Variants in SLC35F1 observed in about 807,000 individuals in gnomAD.
The protein encoded by SLC35F1 is solute carrier family 35 member F1, also known as chromosome 6 open reading frame 169.
A neutral mutation model predicts 48.7 loss-of-function variants in SLC35F1; 14 were observed. The ratio of observed to expected loss-of-function variants is 0.29; its 90% CI spans 0.19 to 0.45. The LOEUF (loss-of-function observed/expected upper bound fraction) is 0.45, where lower values mean the gene tolerates loss of function less well. Ranked by LOEUF, SLC35F1 falls within the 20% of genes least tolerant of loss-of-function variation. The pLI is 1.00. For missense variants in SLC35F1, 404 were observed against 500.0 expected, an observed-to-expected ratio of 0.81 and a Z score of 1.83; for synonymous variants, 190 against 202.2, an observed-to-expected ratio of 0.94 and a Z score of 0.51.
At chr6:118,136,985 T>C (rs1773807225) in intron 1 of SLC35F1, among the ~76,000 whole-genome samples, 1 of 152,238 alleles carries the variant, frequency 6.6e-6, no homozygotes, top group Non-Finnish European at 1.5e-5. Context: ...TAGATAACTT[T>C]CACAGGTTCC....
At chr6:118,215,129 T>C (rs1254109288) in intron 2 of SLC35F1, among the ~76,000 whole-genome samples, 1 of 152,032 alleles carries the variant, frequency 6.6e-6, no homozygotes, top group Admixed American at 6.6e-5. Flanking sequence ...AAGTGGACTT[T>C]GAGTTAGGAG....
At chr6:118,304,307 G>T (rs536943971) in intron 7 of SLC35F1, among the ~76,000 whole-genome samples, 1 of 151,016 alleles carries the variant, frequency 6.6e-6, no homozygotes, top group Non-Finnish European at 1.5e-5. Flanking sequence ...AGTGTGTGAT[G>T]ATCTCACTTG....
chr6:117,924,103 A>G (rs1177572536), intron 1 of SLC35F1, among the ~76,000 whole-genome samples: 1 of 147,324 alleles, frequency 6.8e-6, no homozygotes, highest in Non-Finnish European at 1.5e-5. Context: ...ATAGGTACAC[A>G]TGCATATGTA....
intron 7 of SLC35F1, among the ~76,000 whole-genome samples, chr6:118,300,554 C>G (rs1776244446): frequency 1.3e-5 from 2 of 152,062 alleles, no homozygotes; most frequent in Admixed American, 1.3e-4. Flanking sequence ...TAGCAATCCC[C>G]TTGAATAAGA....
intron 1 of SLC35F1, among the ~76,000 whole-genome samples, chr6:117,972,936 T>A (rs1343862761): frequency 5.9e-5 from 9 of 152,366 alleles, no homozygotes; most frequent in African/African-American, 1.7e-4. Flanking sequence ...ATGATAAATG[T>A]TAAAATTGTG....
At chr6:118,009,249 A>G (rs1295218179) in intron 1 of SLC35F1, among the ~76,000 whole-genome samples, 2 of 152,152 alleles carry the variant, frequency 1.3e-5, no homozygotes, top group Non-Finnish European at 2.9e-5. Context: ...GGATAAAGGG[A>G]TTAGGCAGAT....
rs1582594559 is a variant in SLC35F1 at position 117,974,013 on chromosome 6, G to A, written c.173+66114G>A. Among the ~76,000 whole-genome samples the A allele has an allele frequency of 1.3e-5, 2 of 152,310 alleles. 1 individual carries two copies. Among genetic ancestry groups the A allele is most frequent in the East Asian group, 3.9e-4 (2 of 5,184 alleles). ...ATCCAGGCCCAGTACCCTGCTGGATGGTGCCAGTTTTACTGGGGAGGTTAT... is the reference window on the plus strand; with the variant it reads ...ATCCAGGCCCAGTACCCTGCTGGATAGTGCCAGTTTTACTGGGGAGGTTAT... On this transcript the variant is annotated intron_variant, in intron 1 of 7. Transcript: ENST00000360388.
At chr6:118,001,787 G>A (rs561669626) in intron 1 of SLC35F1, among the ~76,000 whole-genome samples, 223 of 152,046 alleles carry the variant, frequency 1.5e-3, no homozygotes, top group South Asian at 5.2e-3. Flanking sequence ...AAAAGTGGGC[G>A]AAGGATATGA....
chr6:118,038,849 T>A (rs1191889138), intron 1 of SLC35F1, among the ~76,000 whole-genome samples: 3 of 152,154 alleles, frequency 2.0e-5, no homozygotes, highest in African/African-American at 7.2e-5. Flanking sequence ...CTTCAACTCC[T>A]GGCCTTAAGC....
chr6:118,257,912 A>T (rs1582755767), intron 3 of SLC35F1, among the ~76,000 whole-genome samples: 2 of 152,188 alleles, frequency 1.3e-5, no homozygotes, highest in South Asian at 4.1e-4. Context: ...AATCTTAGTT[A>T]CCTAGATTTC....
chr6:118,119,501 C>CCG (rs1562295694), intron 1 of SLC35F1, among the ~76,000 whole-genome samples: 6 of 106,868 alleles, frequency 5.6e-5, no homozygotes, highest in Non-Finnish European at 7.6e-5. Context: ...GGCGCCCCCC[C>CCG]TCCACCCCGC....
In SLC35F1 at chr6:118,273,048, T is replaced by A. The variant is rs1364871307; in HGVS notation, c.638-2411T>A. 2.0e-5 allele frequency among the ~76,000 whole-genome samples: 3 copies of A among 149,590 alleles called. No individual in the cohort carries two copies. The East Asian group carries it at 5.8e-4, about 29-fold the overall frequency. On this transcript the variant is annotated intron_variant, in intron 4 of 7. Coordinates refer to ENST00000360388, the MANE Select transcript of SLC35F1 (RefSeq NM_001029858.4). ...TGACTTAAAAACTGACAAATATAAT[T>A]ATCAGCAAATTATAATAAATAATAT... is the stretch of plus-strand genomic sequence containing the variant.
intron 2 of SLC35F1, among the ~76,000 whole-genome samples, chr6:118,207,986 T>A (rs1010471114): frequency 6.6e-6 from 1 of 152,212 alleles, no homozygotes; most frequent in Admixed American, 6.5e-5. Context: ...CTGGAAGTCA[T>A]AAGGCCCTTG....
At chr6:118,264,496 AC>A (rs2114617525) in intron 3 of SLC35F1, among the ~76,000 whole-genome samples, 1 of 152,332 alleles carries the variant, frequency 6.6e-6, no homozygotes, top group South Asian at 2.1e-4. Context: ...CCTGACACTT[AC>A]AAATAAGGAT....
intron 3 of SLC35F1, among the ~76,000 whole-genome samples, chr6:118,246,909 A>G: frequency 6.6e-6 from 1 of 152,146 alleles, no homozygotes; most frequent in Admixed American, 6.5e-5. Context: ...GACTTTTAAC[A>G]GTGCCCCCAC....
intron 1 of SLC35F1, among the ~76,000 whole-genome samples, chr6:118,013,866 G>C (rs1777284987): frequency 6.6e-6 from 1 of 152,094 alleles, no homozygotes; most frequent in South Asian, 2.1e-4. Flanking sequence ...CTTACATAGA[G>C]AATTTCTAGT....
At chr6:118,183,666 C>G (rs1416015541) in intron 2 of SLC35F1, among the ~76,000 whole-genome samples, 2 of 152,034 alleles carry the variant, frequency 1.3e-5, no homozygotes, top group Admixed American at 6.6e-5. Context: ...CCAGTAAGCT[C>G]TTGTTACCTA....
chr6:117,923,688 T>TATATGTATAC (rs1775954682), intron 1 of SLC35F1, among the ~76,000 whole-genome samples: 1 of 59,776 alleles, frequency 1.7e-5, no homozygotes, highest in African/African-American at 4.2e-5. Flanking sequence ...CATATATACA[T>TATATGTATAC]ATGTACATAT....
chr6:117,983,854 G>A (rs954219688), intron 1 of SLC35F1, among the ~76,000 whole-genome samples: 2 of 152,068 alleles, frequency 1.3e-5, no homozygotes, highest in African/African-American at 4.8e-5. Context: ...TTGAATGTTA[G>A]GCATGTAGGT....
Sources: gnomAD v4.1 joint callset for allele counts (sites outside exome capture counted in the v4.1 genomes callset) on GRCh38, gnomAD v4.1.1 for gene constraint, MANE v1.5 for transcripts, NCBI Gene and HGNC (gene_info 2026-07-23, HGNC 2026-07-21) for gene names.